Variants in MPRIP observed in about 807,000 individuals in gnomAD.
MPRIP encodes the protein myosin phosphatase Rho interacting protein, also known as myosin phosphatase Rho-interacting protein.
MPRIP carries 59 observed loss-of-function variants against 234.9 expected under a neutral mutation model. The ratio of observed to expected loss-of-function variants is 0.25; its 90% CI spans 0.20 to 0.31. The LOEUF is 0.31. Ranked by LOEUF, MPRIP falls within the 10% of genes least tolerant of loss-of-function variation. The pLI is 1.00. For synonymous variants in MPRIP, 1,144 were observed against 1,263.9 expected, an observed-to-expected ratio of 0.91 and a Z score of 2.01; for missense variants, 2,436 against 3,071.0, an observed-to-expected ratio of 0.79 and a Z score of 4.89.
intron 3 of MPRIP, among the ~76,000 whole-genome samples, chr17:17,108,534 G>A (rs2090106992): frequency 6.6e-6 from 1 of 152,178 alleles, no homozygotes; most frequent in Non-Finnish European, 1.5e-5. Flanking sequence ...CCTCTATTTT[G>A]AAATCTTCCC....
At chr17:17,134,836 G>A (rs2144448668) in intron 5 of MPRIP, among the ~76,000 whole-genome samples, 1 of 152,238 alleles carries the variant, frequency 6.6e-6, no homozygotes, top group East Asian at 1.9e-4. Flanking sequence ...GGTGAGACTG[G>A]ATGTATGGAT....
At chr17:17,092,123 G>A (rs567354225) in intron 3 of MPRIP, among the ~76,000 whole-genome samples, 4 of 152,288 alleles carry the variant, frequency 2.6e-5, no homozygotes, top group East Asian at 3.9e-4. Flanking sequence ...CCATCTTGTC[G>A]CTTCTTCCAC....
rs190354010 is a variant in MPRIP, at chr17:17,096,436, A to G, written c.267+18360A>G. ...TATAATTTGCTCCAGTACCTTGGAGAAAATTTTATGAGGAAAAGATACTTT... is the reference window on the plus strand; with the variant it reads ...TATAATTTGCTCCAGTACCTTGGAGGAAATTTTATGAGGAAAAGATACTTT... On this transcript the variant is annotated intron_variant, in intron 3 of 23. Coordinates refer to ENST00000651222, the MANE Select transcript of MPRIP (RefSeq NM_001364716.4). Among the ~76,000 whole-genome samples, 5 of 152,236 alleles carry G rather than the reference A, an allele frequency of 3.3e-5. No homozygotes were observed. In the East Asian group the frequency reaches 9.7e-4, roughly 29 times the overall value.
intron 3 of MPRIP, among the ~76,000 whole-genome samples, chr17:17,122,978 A>G (rs574613100): frequency 5.9e-5 from 9 of 152,258 alleles, no homozygotes; most frequent in Non-Finnish European, 1.2e-4. Context: ...ATGTCCATCA[A>G]CAGATGAATG....
At chr17:17,047,963 A>G (rs925179319) in intron 1 of MPRIP, among the ~76,000 whole-genome samples, 2 of 151,966 alleles carry the variant, frequency 1.3e-5, no homozygotes, top group East Asian at 1.9e-4. Context: ...AGAGGCTGGG[A>G]GGTGAATCAG....
At chr17:17,124,275 G>A (rs2090450079) in intron 3 of MPRIP, among the ~76,000 whole-genome samples, 1 of 152,220 alleles carries the variant, frequency 6.6e-6, no homozygotes, top group African/African-American at 2.4e-5. Flanking sequence ...GAGCAATTTG[G>A]TGACACTGAA....
At chr17:17,109,111 C>G (rs532449742) in intron 3 of MPRIP, among the ~76,000 whole-genome samples, 29 of 152,344 alleles carry the variant, frequency 1.9e-4, no homozygotes, top group African/African-American at 5.8e-4. Flanking sequence ...CCCTTCTTAT[C>G]CAAACATGCC....
At chr17:17,114,632 T>C (rs1261145366) in intron 3 of MPRIP, among the ~76,000 whole-genome samples, 1 of 152,182 alleles carries the variant, frequency 6.6e-6, no homozygotes, top group Non-Finnish European at 1.5e-5. Flanking sequence ...TAGCTGACCA[T>C]TGTGGTGGGT....
rs1020366152 is a variant in MPRIP, at chr17:17,167,867, C to T, written c.6276C>T (p.Asp2092=). The T allele has an allele frequency of 1.8e-5, 23 of 1,303,998 alleles. No individual in the cohort carries two copies. The highest frequency in any genetic ancestry group is 1.1e-4 in the East Asian group (2 of 18,042). The allele number at this position is 1,303,998 out of a possible 1,614,324, so 80.8% of individuals were successfully genotyped here. A position where few individuals can be genotyped will look rare whatever the true frequency, so the allele number is the denominator to read the frequency against. The part of the protein sequence containing the change: ...EELGHKDLEG[D]AATLREKYQR... The stretch of plus-strand genomic sequence containing the variant: ...TGGGACACAAGGACCTGGAGGGCGA[C>T]GCGGCCACACTGCGTGAGAAGTACC... Residue 2092 remains aspartate, a synonymous_variant, in exon 16 of 24, where the codon GAC becomes GAT. Transcript: ENST00000651222. The surrounding 1 kb of genome is among the most constrained non-coding windows in gnomAD (Gnocchi z 5.9).
intron 15 of MPRIP, among the ~76,000 whole-genome samples, chr17:17,162,367 G>A (rs1689806000): frequency 6.6e-6 from 1 of 152,222 alleles, no homozygotes; most frequent in African/African-American, 2.4e-5. Context: ...GCTGACCTTG[G>A]TCTGAGTTGT....
chr17:17,062,022 A>T lies in MPRIP; in HGVS notation c.124-13688A>T, dbSNP rs761633725. 2.0e-5 allele frequency among the ~76,000 whole-genome samples: 3 copies of T among 151,644 alleles called. No individual in the cohort carries two copies. The East Asian group carries it at 5.8e-4, about 29-fold the overall frequency. On this transcript the variant is annotated intron_variant, in intron 1 of 23. Transcript: ENST00000651222. ...ATGGAAGGAGTATGTGTATTTTTCT[A>T]CTGTAGATTATGAAACTGAGAATCA... is the stretch of plus-strand genomic sequence containing the variant.
At chr17:17,121,862 T>G (rs917971435) in intron 3 of MPRIP, among the ~76,000 whole-genome samples, 1 of 152,120 alleles carries the variant, frequency 6.6e-6, no homozygotes, top group Non-Finnish European at 1.5e-5. Flanking sequence ...TCTCCATGTG[T>G]CTATATGTTC....
intron 18 of MPRIP, chr17:17,173,661 A>T: frequency 1.6e-6 from 1 of 622,762 alleles, no homozygotes; most frequent in Non-Finnish European, 2.9e-6. Context: ...GTGGCTGCAG[A>T]CTGGACTCTG....
In MPRIP at chr17:17,184,840, G is replaced by C; in HGVS notation, c.7224G>C (p.Leu2408=). The C allele has an allele frequency of 1.9e-6, 3 of 1,613,062 alleles. No homozygotes were observed. Among genetic ancestry groups the C allele is most frequent in the Non-Finnish European group, 2.5e-6 (3 of 1,179,386 alleles). The change falls in exon 24 of 24, where the codon CTG becomes CTC. Residue 2408 remains leucine, a synonymous_variant. Coordinates refer to ENST00000651222, the MANE Select transcript of MPRIP (RefSeq NM_001364716.4). The part of the protein sequence containing the change: ...NIRSKSLKEG[L]TVQERLKLFE... ...CTACCCAGAGTCTGAAGGAAGGCCT[G>C]ACGGTGCAAGAACGGTTGAAGCTCT...
At chr17:17,046,851 A>C (rs1395763502) in intron 1 of MPRIP, among the ~76,000 whole-genome samples, 1 of 152,228 alleles carries the variant, frequency 6.6e-6, no homozygotes, top group Non-Finnish European at 1.5e-5. Flanking sequence ...ACATTAACGA[A>C]TGAGTTCGAA....
chr17:17,185,467 C>T lies in MPRIP; in HGVS notation c.*573C>T, dbSNP rs781733381. The T allele has an allele frequency of 5.9e-5, 27 of 456,932 alleles. No individual in the cohort carries two copies. Among genetic ancestry groups the T allele is most frequent in the Admixed American group, 1.9e-4 (8 of 42,540 alleles). 28.3% of individuals were successfully genotyped at this position (456,932 alleles called of 1,614,324 possible). On this transcript the variant is annotated 3_prime_UTR_variant, in exon 24 of 24. Transcript: ENST00000651222. Reference sequence around the variant, plus strand: ...TCCACTGATGCAGCTTAGAACCACACCCCTGAGAGTCGTGGCAAACCTTTC... The same window carrying T: ...TCCACTGATGCAGCTTAGAACCACATCCCTGAGAGTCGTGGCAAACCTTTC...
At chr17:17,062,892 T>C (rs974179935) in intron 1 of MPRIP, among the ~76,000 whole-genome samples, 19 of 152,254 alleles carry the variant, frequency 1.2e-4, no homozygotes, top group Non-Finnish European at 2.9e-5. Context: ...TCGTGGCTCT[T>C]GCATGTGGCC....
chr17:17,147,198 T>G, intron 10 of MPRIP, 121 bp from the exon 11 acceptor site: 1 of 896,314 alleles, frequency 1.1e-6, no homozygotes, highest in Non-Finnish European at 1.8e-6. Flanking sequence ...GGCCAGCCTG[T>G]CCCCTGCTTT....
intron 16 of MPRIP, chr17:17,168,481 C>T: frequency 3.6e-6 from 1 of 281,438 alleles, no homozygotes. Context: ...CCACGGAGCA[C>T]AGCCTCCAGC....
Sources: allele counts gnomAD v4.1 joint callset (sites outside exome capture counted in the v4.1 genomes callset), GRCh38; gene constraint gnomAD v4.1.1; non-coding constraint Gnocchi (gnomAD v3.1); transcripts MANE v1.5; gene names NCBI Gene and HGNC (gene_info 2026-07-23, HGNC 2026-07-21).